The following SMPD3 variants were observed in gnomAD, a reference collection of about 807,000 sequenced individuals.
SMPD3 encodes nSMase-2.
A neutral mutation model predicts 55.7 loss-of-function variants in SMPD3; 21 were observed. The ratio of observed to expected loss-of-function variants is 0.38; its 90% CI spans 0.27 to 0.54. The LOEUF (loss-of-function observed/expected upper bound fraction) is 0.54, where lower values mean the gene tolerates loss of function less well. Among genes scored for constraint, SMPD3 ranks in the 20% least tolerant of loss-of-function variants. The probability of loss-of-function intolerance (pLI) is 0.80; values close to 1 mark genes in which losing one functional copy is unlikely to be tolerated. For missense variants in SMPD3, 842 were observed against 899.6 expected, an observed-to-expected ratio of 0.94 and a Z score of 0.82; for synonymous variants, 457 against 404.3, an observed-to-expected ratio of 1.13 and a Z score of -1.56.
intron 2 of SMPD3, among the ~76,000 whole-genome samples, chr16:68,376,452 G>A (rs1191894133): frequency 6.6e-6 from 1 of 152,250 alleles, no homozygotes; most frequent in Non-Finnish European, 1.5e-5. Context: ...TCCACTGTGG[G>A]CCCCTCTGAG....
intron 1 of SMPD3, among the ~76,000 whole-genome samples, chr16:68,401,497 C>T (rs1348231971): frequency 2.6e-5 from 4 of 151,838 alleles, no homozygotes; most frequent in African/African-American, 9.7e-5. Context: ...TGGGATGTTA[C>T]AGGGGGTGAG....
chr16:68,392,902 T>TA (rs1213095394), intron 1 of SMPD3, among the ~76,000 whole-genome samples: 1 of 149,074 alleles, frequency 6.7e-6, no homozygotes, highest in African/African-American at 2.5e-5. Flanking sequence ...TATGCGGACT[T>TA]AGTGAGAAGG....
In SMPD3 at chr16:68,399,235, C is replaced by G. The variant is rs946098370; in HGVS notation, c.-268-12576G>C. ...CAAAATCAGGACTGGCTAGGCTGTG[C>G]AGTGAGGTCCCATTTTCCCCACATG... On this transcript the variant is annotated intron_variant, in intron 1 of 8. Transcript: ENST00000219334. Among the ~76,000 whole-genome samples, 9 of 152,170 alleles carry G rather than the reference C, an allele frequency of 5.9e-5. No homozygotes were observed. In the South Asian group the frequency reaches 1.9e-3, roughly 32 times the overall value.
chr16:68,366,829 GA>G (rs1273149482), intron 3 of SMPD3, among the ~76,000 whole-genome samples: 1 of 152,192 alleles, frequency 6.6e-6, no homozygotes, highest in Non-Finnish European at 1.5e-5. Context: ...CCAACATGGT[GA>G]AACGCTGTCT....
intron 1 of SMPD3, among the ~76,000 whole-genome samples, chr16:68,423,859 G>A (rs1425995231): frequency 2.0e-5 from 3 of 152,088 alleles, no homozygotes; most frequent in African/African-American, 7.2e-5. Flanking sequence ...GGAGGCTGAT[G>A]TGGGTGGTTC....
At chr16:68,431,830 G>A (rs2090482131) in intron 1 of SMPD3, among the ~76,000 whole-genome samples, 1 of 152,212 alleles carries the variant, frequency 6.6e-6, no homozygotes, top group African/African-American at 2.4e-5. Context: ...GCTGGGGCAG[G>A]AGAATGACTT....
At chr16:68,402,700 A>G (rs930828103) in intron 1 of SMPD3, among the ~76,000 whole-genome samples, 1 of 152,220 alleles carries the variant, frequency 6.6e-6, no homozygotes, top group Admixed American at 6.5e-5. Context: ...GGCGGTAGCC[A>G]CAAAGAGGCA....
intron 1 of SMPD3, among the ~76,000 whole-genome samples, chr16:68,438,619 T>A (rs2090543240): frequency 6.6e-6 from 1 of 152,180 alleles, no homozygotes; most frequent in African/African-American, 2.4e-5. Flanking sequence ...GAAACTCTTC[T>A]CCATTTCAGT....
intron 2 of SMPD3, among the ~76,000 whole-genome samples, chr16:68,385,081 C>T (rs1445933639): frequency 6.6e-6 from 1 of 152,156 alleles, no homozygotes; most frequent in East Asian, 1.9e-4. Flanking sequence ...GAAGGCGTCA[C>T]CCAGCACCTC....
chr16:68,431,332 A>G (rs1334655326), intron 1 of SMPD3, among the ~76,000 whole-genome samples: 2 of 152,218 alleles, frequency 1.3e-5, no homozygotes, highest in Non-Finnish European at 2.9e-5. Context: ...GTTCGGGACT[A>G]ATTTACTTAA....
chr16:68,446,479 T>G (rs1003505597), intron 1 of SMPD3, among the ~76,000 whole-genome samples: 1 of 139,246 alleles, frequency 7.2e-6, no homozygotes, highest in Non-Finnish European at 1.5e-5. Flanking sequence ...AGTAAGTGGT[T>G]CATCTACACA....
intron 3 of SMPD3, chr16:68,367,959 G>A (rs868563086): frequency 6.6e-6 from 1 of 152,238 alleles, no homozygotes; most frequent in African/African-American, 2.4e-5. Context: ...AGTCCCATAC[G>A]GGAAACCATG....
chr16:68,362,211 T>C (rs1374098740), intron 7 of SMPD3, among the ~76,000 whole-genome samples: 1 of 152,160 alleles, frequency 6.6e-6, no homozygotes, highest in Non-Finnish European at 1.5e-5. Context: ...AATGGGGCTG[T>C]CCCTACGTGG....
At position 68,371,736 on chromosome 16, in the gene SMPD3, G is replaced by A. The variant is rs769618974; in HGVS notation, c.446C>T (p.Ala149Val). 1.4e-5 allele frequency: 23 copies of A among 1,609,136 alleles called. No homozygotes were observed. Among genetic ancestry groups the A allele is most frequent in the Middle Eastern group, 1.6e-4 (1 of 6,066 alleles). ...TCTCTGCCCGATCTCCTTGGCCCGC[G>A]CTTGGGTGTTAAAAAGGTTGTTGAC... ...ARVNNLFNTQ[A>V]RAKEIGQRIR... The change falls in exon 3 of 9, where the codon GCG becomes GTG. Residue 149 changes from alanine (A) to valine (V), a missense_variant. Around this residue, in one of 2 missense-constraint regions of SMPD3, gnomAD observed 193 missense variants for 256.0 expected, o/e 0.75. Transcript: ENST00000219334.
intron 3 of SMPD3, chr16:68,369,931 C>A (rs2089601949): frequency 6.6e-6 from 1 of 152,272 alleles, no homozygotes; most frequent in Admixed American, 6.5e-5. Flanking sequence ...CTAGGCAGGC[C>A]TCTGAACCGC....
chr16:68,361,347 T>G (rs1469710065), intron 8 of SMPD3, 40 bp from the exon 9 acceptor site: 10 of 1,577,058 alleles, frequency 6.3e-6, no homozygotes, highest in Non-Finnish European at 7.8e-6. Context: ...CCTGGTCAGA[T>G]TCCAAGGGCA....
At chr16:68,365,194 A>G in intron 3 of SMPD3, 102 bp from the exon 4 acceptor site, 3 of 1,197,502 alleles carry the variant, frequency 2.5e-6, no homozygotes, top group Non-Finnish European at 3.6e-6. Context: ...AGACCCTCAC[A>G]AGCCTGGCTC....
intron 1 of SMPD3, among the ~76,000 whole-genome samples, chr16:68,438,990 T>C (rs1347747321): frequency 1.3e-5 from 2 of 152,176 alleles, no homozygotes; most frequent in South Asian, 2.1e-4. Flanking sequence ...AGGATAATAA[T>C]GGTATTCTTT....
At chr16:68,417,699 TG>T (rs1348705617) in intron 1 of SMPD3, among the ~76,000 whole-genome samples, 1 of 152,222 alleles carries the variant, frequency 6.6e-6, no homozygotes, top group African/African-American at 2.4e-5. Flanking sequence ...ACAAAGATGC[TG>T]GTACCTTCAG....
Sources: gnomAD v4.1 joint callset for allele counts (sites outside exome capture counted in the v4.1 genomes callset) on GRCh38, gnomAD v4.1.1 for gene constraint, gnomAD v4.1.1 regional missense constraint, MANE v1.5 for transcripts, NCBI Gene and HGNC (gene_info 2026-07-23, HGNC 2026-07-21) for gene names.